Variants in DCLK1 observed in about 807,000 individuals in gnomAD.
The protein encoded by DCLK1 is doublecortin like kinase 1, also known as serine/threonine-protein kinase DCLK1.
In DCLK1, 16 loss-of-function variants were observed where a neutral mutation model predicts 86.2. The ratio of observed to expected loss-of-function variants is 0.19; its 90% confidence interval spans 0.13 to 0.28. The LOEUF (loss-of-function observed/expected upper bound fraction) is 0.28, where lower values mean the gene tolerates loss of function less well. Among genes scored for constraint, DCLK1 ranks in the 10% least tolerant of loss-of-function variants. The pLI is 1.00. For missense variants in DCLK1, 590 were observed against 940.2 expected, an observed-to-expected ratio of 0.63 and a Z score of 4.87; for synonymous variants, 369 against 370.5, an observed-to-expected ratio of 1.00 and a Z score of 0.05.
intron 5 of DCLK1, among the ~76,000 whole-genome samples, chr13:35,856,270 G>A (rs922236975): frequency 1.1e-4 from 17 of 152,152 alleles, no homozygotes; most frequent in Non-Finnish European, 1.8e-4. Flanking sequence ...TGAACTTCAC[G>A]CTCGGACCTC....
At chr13:35,848,048 A>C (rs749967374) in intron 6 of DCLK1, 1 of 985,206 alleles carries the variant, frequency 1.0e-6, no homozygotes, top group South Asian at 4.7e-5. Context: ...CTTTTTCTAC[A>C]ATGTCTACAT....
intron 4 of DCLK1, among the ~76,000 whole-genome samples, chr13:35,910,371 A>G (rs767250451): frequency 6.6e-5 from 10 of 152,258 alleles, no homozygotes; most frequent in African/African-American, 1.2e-4. Flanking sequence ...TGATAATAAC[A>G]GAGATAATAC....
At chr13:36,000,500 G>A (rs9546069) in intron 3 of DCLK1, among the ~76,000 whole-genome samples, 67,834 of 151,776 alleles carry the variant, frequency 0.45, 15,713 homozygotes, top group Admixed American at 0.5. Context: ...CATTAAGAGC[G>A]GGATACCATA....
At chr13:35,800,883 ATTTTT>A (rs34873101) in intron 15 of DCLK1, among the ~76,000 whole-genome samples, 1 of 135,300 alleles carries the variant, frequency 7.4e-6, no homozygotes. Context: ...TGCTGGGCTA[ATTTTT>A]TTTTTTTTTT....
At chr13:35,981,839 A>T (rs1259211622) in intron 3 of DCLK1, among the ~76,000 whole-genome samples, 1 of 152,160 alleles carries the variant, frequency 6.6e-6, no homozygotes, top group Non-Finnish European at 1.5e-5. Context: ...AGGTAATTCC[A>T]TTTTTAATTT....
intron 1 of DCLK1, among the ~76,000 whole-genome samples, chr13:36,127,782 C>G (rs1886240135): frequency 6.6e-6 from 1 of 152,168 alleles, no homozygotes; most frequent in Non-Finnish European, 1.5e-5. Flanking sequence ...GTCCCCACAG[C>G]AAGCTGACTG....
intron 3 of DCLK1, among the ~76,000 whole-genome samples, chr13:36,091,175 A>T (rs1884813324): frequency 6.6e-6 from 1 of 152,078 alleles, no homozygotes; most frequent in South Asian, 2.1e-4. Context: ...TGCTGTGCAG[A>T]AGCTCTTTAG....
Position 35,774,503 on chromosome 13 carries a change from G to A in DCLK1, c.*32C>T. 6.4e-7 allele frequency: 1 copy of A among 1,550,614 alleles called. No individual in the cohort carries two copies. The highest frequency in any genetic ancestry group is 1.2e-5 in the South Asian group (1 of 84,032). On this transcript the variant is annotated 3_prime_UTR_variant, in exon 17 of 17. Coordinates refer to ENST00000360631, the MANE Select transcript of DCLK1 (RefSeq NM_001330071.2). ...GAAAAAAATCTCAGAGTCTCAAAGG[G>A]TTAAGCTAGGACTTTGAGTAAAAGG...
chr13:35,844,488 C>A (rs1473615965), intron 6 of DCLK1, among the ~76,000 whole-genome samples: 1 of 152,184 alleles, frequency 6.6e-6, no homozygotes, highest in Non-Finnish European at 1.5e-5. Flanking sequence ...ATAATCTGAA[C>A]CATTTGTCCC....
At chr13:36,058,013 G>C (rs1883400043) in intron 3 of DCLK1, among the ~76,000 whole-genome samples, 1 of 152,132 alleles carries the variant, frequency 6.6e-6, no homozygotes, top group Admixed American at 6.6e-5. Context: ...CTTTGCACAT[G>C]GCCATATTCT....
intron 15 of DCLK1, among the ~76,000 whole-genome samples, chr13:35,798,083 A>T (rs2086847689): frequency 6.6e-6 from 1 of 152,196 alleles, no homozygotes; most frequent in Admixed American, 6.5e-5. Flanking sequence ...AGAAATTCCC[A>T]TCCACCACTT....
At chr13:35,963,607 T>G (rs1878573864) in intron 3 of DCLK1, among the ~76,000 whole-genome samples, 1 of 152,210 alleles carries the variant, frequency 6.6e-6, no homozygotes, top group Non-Finnish European at 1.5e-5. Context: ...GATAACATGG[T>G]TAGACTTTGT....
intron 16 of DCLK1, among the ~76,000 whole-genome samples, chr13:35,792,929 G>T (rs1168711890): frequency 6.6e-6 from 1 of 152,158 alleles, no homozygotes; most frequent in African/African-American, 2.4e-5. Context: ...GCTATGCTTT[G>T]ACTTTAATTT....
intron 6 of DCLK1, among the ~76,000 whole-genome samples, chr13:35,839,974 G>A (rs1427356982): frequency 1.3e-5 from 2 of 152,164 alleles, no homozygotes; most frequent in Non-Finnish European, 2.9e-5. Flanking sequence ...ACATTTCAAT[G>A]CTATTTCTAA....
intron 2 of DCLK1, among the ~76,000 whole-genome samples, chr13:36,125,117 G>A (rs747441219): frequency 6.6e-6 from 1 of 151,974 alleles, no homozygotes; most frequent in Non-Finnish European, 1.5e-5. Context: ...AACCTAAATT[G>A]GACTTAAAAA....
chr13:36,059,373 A>AGAAACT (rs1156923447), intron 3 of DCLK1, among the ~76,000 whole-genome samples: 1 of 151,812 alleles, frequency 6.6e-6, no homozygotes, highest in African/African-American at 2.4e-5. Context: ...TATTAATGCT[A>AGAAACT]GAAACTTGGC....
At chr13:35,814,145 C>T (rs1029320092) in intron 11 of DCLK1, among the ~76,000 whole-genome samples, 9 of 152,112 alleles carry the variant, frequency 5.9e-5, no homozygotes, top group African/African-American at 2.2e-4. Flanking sequence ...GCTACGTGCA[C>T]CCTTATCTCT....
chr13:35,976,256 G>A (rs1020945489), intron 3 of DCLK1, among the ~76,000 whole-genome samples: 1 of 152,120 alleles, frequency 6.6e-6, no homozygotes, highest in Non-Finnish European at 1.5e-5. Context: ...GGCAAGTAAG[G>A]AAGGACAGCA....
chr13:35,904,778 C>T (rs1432188368), intron 4 of DCLK1, among the ~76,000 whole-genome samples: 4 of 152,164 alleles, frequency 2.6e-5, no homozygotes, highest in African/African-American at 7.2e-5. Context: ...ATGCTTTGCT[C>T]GGGCACGGAC....
Sources: gnomAD v4.1 joint callset for allele counts (sites outside exome capture counted in the v4.1 genomes callset) on GRCh38, gnomAD v4.1.1 for gene constraint, MANE v1.5 for transcripts, NCBI Gene and HGNC (gene_info 2026-07-23, HGNC 2026-07-21) for gene names.